PLXDC2: variants seen among roughly 807,000 people sequenced by gnomAD.
PLXDC2 encodes the protein plexin domain containing 2.
Under a neutral mutation model 68.9 loss-of-function variants are expected in PLXDC2, and 40 were observed. The observed-to-expected ratio is 0.58, with a 90% CI of 0.45 to 0.76. PLXDC2 has a LOEUF of 0.76. Ranked by LOEUF, PLXDC2 falls within the 30% of genes least tolerant of loss-of-function variation. The pLI, the probability that PLXDC2 is intolerant of heterozygous loss-of-function variation, is 0.00. For missense variants in PLXDC2, 644 were observed against 661.9 expected, an observed-to-expected ratio of 0.97 and a Z score of 0.30; for synonymous variants, 243 against 234.2, an observed-to-expected ratio of 1.04 and a Z score of -0.34.
intron 13 of PLXDC2, among the ~76,000 whole-genome samples, chr10:20,252,320 T>A (rs934838022): frequency 1.3e-5 from 2 of 152,200 alleles, no homozygotes; most frequent in African/African-American, 4.8e-5. Context: ...AAAAATAATG[T>A]CAATATCTCA....
chr10:19,955,392 C>T (rs1834053494), intron 1 of PLXDC2, among the ~76,000 whole-genome samples: 1 of 151,944 alleles, frequency 6.6e-6, no homozygotes, highest in Admixed American at 6.6e-5. Context: ...ATCCCCCAAC[C>T]CATTTCCGGG....
At chr10:20,114,084 A>C (rs546508304) in intron 4 of PLXDC2, among the ~76,000 whole-genome samples, 4 of 152,348 alleles carry the variant, frequency 2.6e-5, no homozygotes, top group Admixed American at 1.3e-4. Flanking sequence ...AGATTGTGCC[A>C]CTGCACTACA....
chr10:19,989,129 A>G (rs1834702341), intron 1 of PLXDC2, among the ~76,000 whole-genome samples: 1 of 152,112 alleles, frequency 6.6e-6, no homozygotes, highest in South Asian at 2.1e-4. Context: ...CTAACAATAC[A>G]AATCCAGTTT....
At chr10:20,053,742 G>A (rs1835945817) in intron 3 of PLXDC2, among the ~76,000 whole-genome samples, 1 of 152,034 alleles carries the variant, frequency 6.6e-6, no homozygotes, top group African/African-American at 2.4e-5. Context: ...CCTGGTGGAA[G>A]GAGTCCAGTG....
intron 12 of PLXDC2, among the ~76,000 whole-genome samples, chr10:20,228,604 A>C (rs1268293699): frequency 6.7e-6 from 1 of 149,184 alleles, no homozygotes; most frequent in African/African-American, 2.5e-5. Context: ...GGAAGGAAGG[A>C]AGGAAGGAGG....
At chr10:20,162,422 T>G (rs867181234) in intron 6 of PLXDC2, among the ~76,000 whole-genome samples, 16 of 152,140 alleles carry the variant, frequency 1.1e-4, no homozygotes, top group Admixed American at 9.2e-4. Flanking sequence ...TTTTTCAACT[T>G]GCAGAGGAAA....
At chr10:19,944,087 G>T (rs1336686342) in intron 1 of PLXDC2, among the ~76,000 whole-genome samples, 1 of 152,140 alleles carries the variant, frequency 6.6e-6, no homozygotes, top group Non-Finnish European at 1.5e-5. Flanking sequence ...GATTATAACT[G>T]CAATGTTCTC....
intron 2 of PLXDC2, among the ~76,000 whole-genome samples, chr10:20,026,345 A>C (rs1192458513): frequency 6.6e-6 from 1 of 152,178 alleles, no homozygotes; most frequent in Non-Finnish European, 1.5e-5. Context: ...TTGGCATTTC[A>C]ACTGCAAAGA....
At chr10:20,192,201 T>G (rs1365165296) in intron 9 of PLXDC2, among the ~76,000 whole-genome samples, 1 of 151,958 alleles carries the variant, frequency 6.6e-6, no homozygotes, top group Non-Finnish European at 1.5e-5. Flanking sequence ...AATGCTAAGG[T>G]TGAAATTTTT....
intron 1 of PLXDC2, among the ~76,000 whole-genome samples, chr10:19,851,553 T>C (rs1419770471): frequency 6.6e-6 from 1 of 152,118 alleles, no homozygotes; most frequent in Non-Finnish European, 1.5e-5. Flanking sequence ...TATTTTTATT[T>C]TTATGTTTTT....
chr10:19,875,508 C>T (rs1324512783), intron 1 of PLXDC2, among the ~76,000 whole-genome samples: 1 of 152,112 alleles, frequency 6.6e-6, no homozygotes, highest in African/African-American at 2.4e-5. Context: ...TGATAATTAA[C>T]AGTCATAGAG....
At chr10:20,187,603 G>C (rs1344375991) in intron 9 of PLXDC2, among the ~76,000 whole-genome samples, 1 of 151,666 alleles carries the variant, frequency 6.6e-6, no homozygotes. Context: ...GCTTTTTGCA[G>C]GTCTTCTTAA....
At chr10:19,953,049 A>C (rs1217033032) in intron 1 of PLXDC2, among the ~76,000 whole-genome samples, 1 of 152,172 alleles carries the variant, frequency 6.6e-6, no homozygotes, top group Non-Finnish European at 1.5e-5. Flanking sequence ...ATTTATTAGT[A>C]GAGACAGGGT....
At chr10:20,167,551 C>T (rs1203084580) in intron 7 of PLXDC2, among the ~76,000 whole-genome samples, 1 of 152,122 alleles carries the variant, frequency 6.6e-6, no homozygotes, top group African/African-American at 2.4e-5. Context: ...TACTTTGCCT[C>T]TGTTAACTTT....
intron 1 of PLXDC2, among the ~76,000 whole-genome samples, chr10:19,915,393 A>G (rs1202322690): frequency 6.6e-6 from 1 of 152,212 alleles, no homozygotes; most frequent in Non-Finnish European, 1.5e-5. Flanking sequence ...TATGACTCTT[A>G]CTGTCATTTA....
At chr10:20,196,248 G>C (rs936103899) in intron 9 of PLXDC2, among the ~76,000 whole-genome samples, 9 of 152,144 alleles carry the variant, frequency 5.9e-5, no homozygotes, top group African/African-American at 2.2e-4. Flanking sequence ...TCATCTATCA[G>C]AAAGAGAAGA....
intron 1 of PLXDC2, among the ~76,000 whole-genome samples, chr10:20,000,268 G>GT (rs557279192): frequency 0.016 from 2,415 of 148,858 alleles, 62 homozygotes; most frequent in African/African-American, 0.054. Flanking sequence ...ATGTACATGA[G>GT]TTTTTTTTTT....
chr10:20,083,777 G>A (rs1011140161), intron 4 of PLXDC2, among the ~76,000 whole-genome samples: 1 of 151,968 alleles, frequency 6.6e-6, no homozygotes, highest in African/African-American at 2.4e-5. Flanking sequence ...GTGTATTAAA[G>A]GGCTTATGAG....
intron 4 of PLXDC2, among the ~76,000 whole-genome samples, chr10:20,084,143 C>A (rs917462609): frequency 2.6e-5 from 4 of 152,100 alleles, no homozygotes; most frequent in African/African-American, 9.7e-5. Flanking sequence ...CAAGAGTAGA[C>A]CAATGCGGAA....
Sources: allele counts gnomAD v4.1 joint callset (sites outside exome capture counted in the v4.1 genomes callset), GRCh38; gene constraint gnomAD v4.1.1; transcripts MANE v1.5; gene names NCBI Gene and HGNC (gene_info 2026-07-23, HGNC 2026-07-21).